The following MARCHF1 variants were observed in gnomAD, a reference collection of about 807,000 sequenced individuals.
MARCHF1 encodes E3 ubiquitin-protein ligase MARCHF1.
MARCHF1 carries 40 observed loss-of-function variants against 54.2 expected under a neutral mutation model. The observed-to-expected ratio is 0.74, with a 90% CI of 0.57 to 0.96. The LOEUF is 0.96. MARCHF1 is among the 40% of genes least tolerant of loss of function. The pLI is 0.00. For missense variants in MARCHF1, 586 were observed against 656.5 expected (o/e 0.89, Z 1.17); for synonymous variants, 236 against 236.3 (o/e 1.00, Z 0.01).
chr4:163,841,280 A>G (rs910686079), intron 4 of MARCHF1, among the ~76,000 whole-genome samples: 1 of 152,026 alleles, frequency 6.6e-6, no homozygotes, highest in Admixed American at 6.6e-5. Context: ...ACTTTGAGTG[A>G]TTATGACATG....
At chr4:163,559,267 A>G (rs1739392435) in intron 8 of MARCHF1, among the ~76,000 whole-genome samples, 1 of 152,246 alleles carries the variant, frequency 6.6e-6, no homozygotes, top group South Asian at 2.1e-4. Context: ...TTAGTCTTCA[A>G]GTATACACAC....
intron 2 of MARCHF1, among the ~76,000 whole-genome samples, chr4:164,036,880 A>G (rs1261145800): frequency 6.6e-6 from 1 of 152,210 alleles, no homozygotes; most frequent in African/African-American, 2.4e-5. Context: ...CTAATGGTGA[A>G]TATATGCATA....
intron 2 of MARCHF1, among the ~76,000 whole-genome samples, chr4:164,038,572 C>A (rs759425007): frequency 6.6e-6 from 1 of 152,124 alleles, no homozygotes; most frequent in Admixed American, 6.6e-5. Flanking sequence ...TGTGCAGGTG[C>A]TCTGTAGGCT....
intron 1 of MARCHF1, among the ~76,000 whole-genome samples, chr4:164,312,564 T>C (rs768801274): frequency 8.5e-4 from 129 of 151,950 alleles, no homozygotes; most frequent in Non-Finnish European, 1.6e-3. Context: ...CCTCGTGATC[T>C]GCCCGCCTCA....
chr4:163,701,374 T>C (rs1208138294), intron 4 of MARCHF1, among the ~76,000 whole-genome samples: 1 of 152,182 alleles, frequency 6.6e-6, no homozygotes, highest in Non-Finnish European at 1.5e-5. Flanking sequence ...TTTTTAAAAT[T>C]TAAGATGCTT....
At chr4:163,738,554 T>C (rs1304493226) in intron 4 of MARCHF1, among the ~76,000 whole-genome samples, 1 of 152,252 alleles carries the variant, frequency 6.6e-6, no homozygotes, top group Non-Finnish European at 1.5e-5. Flanking sequence ...GGTACATTCA[T>C]ATTAAATACC....
chr4:163,716,239 ATAC>A (rs1249508692), intron 4 of MARCHF1, among the ~76,000 whole-genome samples: 7 of 77,058 alleles, frequency 9.1e-5, no homozygotes, highest in Admixed American at 1.4e-4. Flanking sequence ...AACAACAACA[ATAC>A]AAGTATTCAA....
intron 1 of MARCHF1, among the ~76,000 whole-genome samples, chr4:164,207,456 A>T (rs939705298): frequency 6.6e-6 from 1 of 152,256 alleles, no homozygotes; most frequent in Non-Finnish European, 1.5e-5. Flanking sequence ...ATAAATGTAT[A>T]AATATAAATT....
At chr4:163,629,739 G>A (rs1021752018) in intron 5 of MARCHF1, among the ~76,000 whole-genome samples, 4 of 152,146 alleles carry the variant, frequency 2.6e-5, no homozygotes, top group African/African-American at 7.2e-5. Flanking sequence ...GTAGGTGAAG[G>A]ATTGATGAGT....
chr4:164,272,866 AAT>A (rs1733776674), intron 1 of MARCHF1, among the ~76,000 whole-genome samples: 2 of 151,962 alleles, frequency 1.3e-5, no homozygotes, highest in African/African-American at 4.8e-5. Flanking sequence ...ACAATAAAGA[AAT>A]AGAGAAAAAA....
intron 1 of MARCHF1, among the ~76,000 whole-genome samples, chr4:164,322,681 C>T (rs191814315): frequency 4.0e-5 from 6 of 151,620 alleles, no homozygotes; most frequent in Admixed American, 1.3e-4. Flanking sequence ...CTCATGCATC[C>T]CATAAGTATA....
chr4:164,214,308 A>G (rs1216867443), intron 1 of MARCHF1, among the ~76,000 whole-genome samples: 1 of 152,198 alleles, frequency 6.6e-6, no homozygotes, highest in African/African-American at 2.4e-5. Flanking sequence ...ATAATTTGTT[A>G]TATAAATTCC....
At chr4:163,776,396 A>G (rs1247235638) in intron 4 of MARCHF1, among the ~76,000 whole-genome samples, 1 of 151,240 alleles carries the variant, frequency 6.6e-6, no homozygotes, top group Admixed American at 6.6e-5. Context: ...TAAATAATAT[A>G]CATATATCAT....
chr4:163,728,082 C>T (rs928029634), intron 4 of MARCHF1, among the ~76,000 whole-genome samples: 1 of 152,166 alleles, frequency 6.6e-6, no homozygotes, highest in South Asian at 2.1e-4. Flanking sequence ...GATTTATTTG[C>T]CTACATTTTC....
rs551932484 is a variant in MARCHF1 at position 163,543,073 on chromosome 4, G to A, written c.1339+2523C>T. On this transcript the variant is annotated intron_variant, in intron 9 of 9. Coordinates refer to ENST00000514618, the MANE Select transcript of MARCHF1 (RefSeq NM_001394959.1). ...GTTCGGCCTAGCTGGCTTCAACTAG[G>A]TCACGGGGGCAGCATAGTCCCACTG... Among the ~76,000 whole-genome samples the A allele has an allele frequency of 2.0e-5, 3 of 152,260 alleles. 1 individual carries two copies. The South Asian group carries it at 6.2e-4, about 32-fold the overall frequency.
intron 1 of MARCHF1, among the ~76,000 whole-genome samples, chr4:164,252,429 A>T (rs137969825): frequency 6.6e-6 from 1 of 152,276 alleles, no homozygotes; most frequent in African/African-American, 2.4e-5. Context: ...GAAAGCTTCA[A>T]CCAAGGCAGG....
At chr4:163,569,016 T>C (rs751223675) in intron 8 of MARCHF1, among the ~76,000 whole-genome samples, 2 of 152,146 alleles carry the variant, frequency 1.3e-5, no homozygotes, top group Admixed American at 6.5e-5. Flanking sequence ...AATGGTACGC[T>C]TTGGTGCTCC....
intron 1 of MARCHF1, among the ~76,000 whole-genome samples, chr4:164,139,100 T>A (rs1756464938): frequency 6.6e-6 from 1 of 152,332 alleles, no homozygotes; most frequent in South Asian, 2.1e-4. Context: ...GTATAAAGTT[T>A]TGTGGTAAGA....
At chr4:164,142,012 G>A (rs1756551828) in intron 1 of MARCHF1, among the ~76,000 whole-genome samples, 1 of 152,190 alleles carries the variant, frequency 6.6e-6, no homozygotes, top group East Asian at 1.9e-4. Context: ...CACTCAGGAA[G>A]CACAAGGGGT....
Sources: gnomAD v4.1 joint callset for allele counts (sites outside exome capture counted in the v4.1 genomes callset) on GRCh38, gnomAD v4.1.1 for gene constraint, MANE v1.5 for transcripts, NCBI Gene and HGNC (gene_info 2026-07-23, HGNC 2026-07-21) for gene names.